The following RSPH1 variants were observed in gnomAD, a reference collection of about 807,000 sequenced individuals.
RSPH1 encodes radial spoke head component 1, also known as radial spoke head 1 homolog.
In RSPH1, 32 loss-of-function variants were observed where a neutral mutation model predicts 44.2. The ratio of observed to expected loss-of-function variants is 0.72; its 90% CI spans 0.55 to 0.97. The LOEUF is 0.97. Among genes scored for constraint, RSPH1 ranks in the 50% least tolerant of loss-of-function variants. The probability of loss-of-function intolerance (pLI) is 0.00; values close to 1 mark genes in which losing one functional copy is unlikely to be tolerated. For synonymous variants in RSPH1, 134 were observed against 147.3 expected (o/e 0.91, Z 0.65); for missense variants, 391 against 398.7 (o/e 0.98, Z 0.16).
intron 2 of RSPH1, 34 bp downstream of exon 2, chr21:42,492,932 G>A (rs549351345): frequency 6.2e-7 from 1 of 1,600,706 alleles, no homozygotes; most frequent in East Asian, 2.2e-5. Context: ...GTATTAAATA[G>A]AGAAAACCAT....
intron 3 of RSPH1, among the ~76,000 whole-genome samples, chr21:42,492,139 C>T (rs1194132272): frequency 3.9e-5 from 6 of 152,232 alleles, no homozygotes; most frequent in Non-Finnish European, 8.8e-5. Context: ...CGCTCCCTGC[C>T]GGTCCCCCTG....
At chr21:42,481,455 G>A (rs982542177) in intron 6 of RSPH1, among the ~76,000 whole-genome samples, 1 of 152,178 alleles carries the variant, frequency 6.6e-6, no homozygotes, top group African/African-American at 2.4e-5. Context: ...CAGGTTGAAA[G>A]GGCATTGATG....
chr21:42,472,969 G>GT (rs2054008114), intron 8 of RSPH1, 99 bp from the exon 9 acceptor site: 1 of 798,310 alleles, frequency 1.3e-6, no homozygotes, highest in East Asian at 2.7e-5. Context: ...AAAAATTATT[G>GT]TAACTATTAA....
chr21:42,482,784 T>A, intron 5 of RSPH1, 76 bp from the exon 6 acceptor site: 1 of 1,060,042 alleles, frequency 9.4e-7, no homozygotes, highest in Admixed American at 1.9e-5. Flanking sequence ...ACCACCACAA[T>A]ACCCACCTCA....
intron 3 of RSPH1, among the ~76,000 whole-genome samples, chr21:42,492,447 G>C (rs375843134): frequency 1.1e-4 from 16 of 152,366 alleles, no homozygotes; most frequent in African/African-American, 3.6e-4. Flanking sequence ...CAGAGCAGCT[G>C]AAGCCGTGGG....
intron 6 of RSPH1, among the ~76,000 whole-genome samples, chr21:42,482,232 C>A (rs997839252): frequency 6.6e-6 from 1 of 152,094 alleles, no homozygotes; most frequent in African/African-American, 2.4e-5. Flanking sequence ...TACAGGCATG[C>A]GCCACCATGC....
chr21:42,492,897 G>A (rs1199348107), intron 2 of RSPH1, 34 bp from the exon 3 acceptor site: 4 of 1,566,432 alleles, frequency 2.6e-6, no homozygotes, highest in Non-Finnish European at 2.6e-6. Flanking sequence ...TCATATCATT[G>A]CTGAATGTAG....
In RSPH1 at chr21:42,496,134, C is replaced by T. The variant is rs542619325; in HGVS notation, c.53G>A (p.Gly18Glu). The change falls in exon 1 of 9, where the codon GGG (glycine) becomes GAG (glutamate). Residue 18 changes from glycine (G) to glutamate (E), a missense_variant and splice_region_variant. Physicochemically the swap from Gly to Glu is moderately conservative, Grantham distance 98 (BLOSUM62 -2). Coordinates refer to ENST00000291536, the MANE Select transcript of RSPH1 (RefSeq NM_080860.4). Reference sequence around the variant, plus strand: ...CCCTTTCTCACCAGGAGCTCTCACCCCAATATCATTCTCTCCCTCCTCCTC... The same window carrying T: ...CCCTTTCTCACCAGGAGCTCTCACCTCAATATCATTCTCTCCCTCCTCCTC... ...ELEEEGENDI[G>E]EYEGGRNEAG... The T allele has an allele frequency of 6.2e-7, 1 of 1,614,138 alleles. No homozygotes were observed. Among genetic ancestry groups the T allele is most frequent in the Non-Finnish European group, 8.5e-7 (1 of 1,180,008 alleles).
intron 3 of RSPH1, 95 bp from the exon 4 acceptor site, chr21:42,486,556 G>T: frequency 1.1e-6 from 1 of 886,918 alleles, no homozygotes; most frequent in Non-Finnish European, 1.9e-6. Flanking sequence ...AAAGGCAGAT[G>T]TGTTGTGAAG....
At chr21:42,495,442 T>C (rs1375269147) in intron 1 of RSPH1, among the ~76,000 whole-genome samples, 1 of 151,922 alleles carries the variant, frequency 6.6e-6, no homozygotes, top group African/African-American at 2.4e-5. Flanking sequence ...CTGTCAGCCA[T>C]GGAGAGGTCA....
intron 5 of RSPH1, chr21:42,485,344 T>C (rs775160838): frequency 5.8e-5 from 16 of 277,422 alleles, no homozygotes; most frequent in Non-Finnish European, 9.0e-5. Context: ...ATATTTGGTA[T>C]CTGATTTACC....
chr21:42,491,200 C>T (rs2054232837), intron 3 of RSPH1, among the ~76,000 whole-genome samples: 1 of 152,084 alleles, frequency 6.6e-6, no homozygotes, highest in African/African-American at 2.4e-5. Context: ...ACTGTGGGTA[C>T]CCTCCGGATC....
At chr21:42,493,923 A>C (rs1305418993) in intron 1 of RSPH1, among the ~76,000 whole-genome samples, 5 of 152,104 alleles carry the variant, frequency 3.3e-5, no homozygotes, top group Admixed American at 3.3e-4. Context: ...GCTAATTTCA[A>C]AATTTTTTTG....
intron 3 of RSPH1, among the ~76,000 whole-genome samples, chr21:42,488,041 CA>C (rs1382150371): frequency 1.3e-5 from 2 of 152,088 alleles, no homozygotes; most frequent in Non-Finnish European, 2.9e-5. Flanking sequence ...GGCACAATTT[CA>C]AAAAGTGGGT....
chr21:42,475,820 G>A, intron 8 of RSPH1, 78 bp downstream of exon 8: 1 of 1,527,508 alleles, frequency 6.5e-7, no homozygotes, highest in Non-Finnish European at 8.9e-7. Flanking sequence ...GCAGGCCTTG[G>A]TGAAGGGAAG....
chr21:42,494,524 C>T (rs904822877), intron 1 of RSPH1, among the ~76,000 whole-genome samples: 3 of 152,040 alleles, frequency 2.0e-5, no homozygotes, highest in African/African-American at 4.8e-5. Flanking sequence ...AACACTGAGC[C>T]GCTGGGGTGG....
At chr21:42,495,890 G>A in intron 1 of RSPH1, 2 of 534,082 alleles carry the variant, frequency 3.7e-6, no homozygotes, top group South Asian at 2.5e-5. Flanking sequence ...ATGGGAGGCA[G>A]GATGGGGGTG....
chr21:42,486,486 G>A, intron 3 of RSPH1, 25 bp from the exon 4 acceptor site: 5 of 1,551,416 alleles, frequency 3.2e-6, no homozygotes, highest in Non-Finnish European at 4.5e-6. Context: ...ACAAAGGCAA[G>A]CCCAGGTGAG....
At position 42,482,670 on chromosome 21, in the gene RSPH1, A is replaced by C. The variant is rs769720031; in HGVS notation, c.540T>G (p.Cys180Trp). ...GPGKYVFDVG[C>W]EQHGEYRLTD... Reference sequence around the variant, plus strand: ...TTAAACGATATTCACCATGTTGTTCACACCCAACATCAAATACATACTTTC... The same window carrying C: ...TTAAACGATATTCACCATGTTGTTCCCACCCAACATCAAATACATACTTTC... The change falls in exon 6 of 9, where the codon TGT (cysteine) becomes TGG (tryptophan). Residue 180 changes from cysteine to tryptophan, a missense_variant. Transcript: ENST00000291536. 1.9e-6 allele frequency: 3 copies of C among 1,613,402 alleles called. No individual in the cohort carries two copies. In the African/African-American group the frequency reaches 4.0e-5, roughly 22 times the overall value.
Sources: allele counts gnomAD v4.1 joint callset (sites outside exome capture counted in the v4.1 genomes callset), GRCh38; gene constraint gnomAD v4.1.1; transcripts MANE v1.5; gene names NCBI Gene and HGNC (gene_info 2026-07-23, HGNC 2026-07-21).